Variants in PRDM5 observed in about 807,000 individuals in gnomAD.
PRDM5 encodes PR/SET domain 5.
In PRDM5, 56 loss-of-function variants were observed where a neutral mutation model predicts 81.2. That is an observed-to-expected ratio of 0.69 (90% CI 0.56 to 0.86). The LOEUF (loss-of-function observed/expected upper bound fraction) is 0.86. Ranked by LOEUF, PRDM5 falls within the 40% of genes least tolerant of loss-of-function variation. The pLI, the probability that PRDM5 is intolerant of heterozygous loss-of-function variation, is 0.00. For missense variants in PRDM5, 697 were observed against 770.1 expected (o/e 0.91, Z 1.12); for synonymous variants, 267 against 256.4 (o/e 1.04, Z -0.39).
chr4:120,882,057 C>T (rs989282970), intron 2 of PRDM5, among the ~76,000 whole-genome samples: 1 of 152,244 alleles, frequency 6.6e-6, no homozygotes, highest in Non-Finnish European at 1.5e-5. Flanking sequence ...TCCCAGATTC[C>T]TTGCCTCCTT....
At chr4:120,701,052 G>T (rs908742413) in intron 15 of PRDM5, among the ~76,000 whole-genome samples, 1 of 152,080 alleles carries the variant, frequency 6.6e-6, no homozygotes, top group Non-Finnish European at 1.5e-5. Flanking sequence ...TTGAACCTGG[G>T]AGGCGGAGGT....
chr4:120,904,316 G>C (rs371897675), intron 2 of PRDM5, among the ~76,000 whole-genome samples: 1 of 150,188 alleles, frequency 6.7e-6, no homozygotes, highest in East Asian at 2.0e-4. Flanking sequence ...ACGAGACCAA[G>C]AGGAAAAAGA....
intron 13 of PRDM5, among the ~76,000 whole-genome samples, chr4:120,765,551 T>C (rs1414251482): frequency 1.3e-5 from 2 of 152,142 alleles, no homozygotes; most frequent in African/African-American, 4.8e-5. Context: ...GCCATCTCTG[T>C]TGTTTCAGCA....
At chr4:120,759,994 C>G (rs1269188967) in intron 13 of PRDM5, among the ~76,000 whole-genome samples, 1 of 152,132 alleles carries the variant, frequency 6.6e-6, no homozygotes, top group Admixed American at 6.5e-5. Flanking sequence ...ATATTATAAT[C>G]TAAGTATTCA....
At chr4:120,917,919 C>G (rs960716732) in intron 1 of PRDM5, among the ~76,000 whole-genome samples, 2 of 152,150 alleles carry the variant, frequency 1.3e-5, no homozygotes, top group African/African-American at 4.8e-5. Flanking sequence ...CATTAATCCA[C>G]TTATGACTGA....
At chr4:120,719,244 G>A (rs1056567189) in intron 14 of PRDM5, among the ~76,000 whole-genome samples, 7 of 152,156 alleles carry the variant, frequency 4.6e-5, no homozygotes, top group Non-Finnish European at 7.3e-5. Flanking sequence ...CGTCCCCTGG[G>A]GGGCAAACCA....
intron 2 of PRDM5, among the ~76,000 whole-genome samples, chr4:120,891,268 T>A (rs2148624367): frequency 6.6e-6 from 1 of 152,350 alleles, no homozygotes; most frequent in South Asian, 2.1e-4. Flanking sequence ...TGGAAGATTA[T>A]ATGTCTCCAG....
rs764037024 is a variant in PRDM5, at chr4:120,818,483, A to G, written c.520T>C (p.Ser174Pro). 3.1e-6 allele frequency: 5 copies of G among 1,613,550 alleles called. No individual in the cohort carries two copies. In the East Asian group the frequency reaches 1.1e-4, roughly 36 times the overall value. The change falls in exon 5 of 16, where the codon TCG (serine) becomes CCG (proline). Residue 174 changes from serine (S) to proline (P), a missense_variant. Coordinates refer to ENST00000264808, the MANE Select transcript of PRDM5 (RefSeq NM_018699.4). ...KEDYACPQCE[S>P]SFTSEDILAE... Reference sequence around the variant, plus strand: ...AGAATATCCTCACTGGTAAAACTCGATTCACATTGAGGACAAGCATAGTCC... The same window carrying G: ...AGAATATCCTCACTGGTAAAACTCGGTTCACATTGAGGACAAGCATAGTCC...
intron 2 of PRDM5, among the ~76,000 whole-genome samples, chr4:120,855,691 T>C (rs912207369): frequency 3.9e-5 from 6 of 152,340 alleles, no homozygotes; most frequent in Admixed American, 1.3e-4. Flanking sequence ...ACTGTTTATA[T>C]TGACAAAAAG....
intron 3 of PRDM5, among the ~76,000 whole-genome samples, chr4:120,844,677 G>T (rs934685477): frequency 2.6e-5 from 4 of 152,126 alleles, no homozygotes; most frequent in Admixed American, 2.0e-4. Flanking sequence ...ATACTGAAAT[G>T]AGGTCAATTA....
At chr4:120,913,664 G>C (rs1031590206) in intron 1 of PRDM5, among the ~76,000 whole-genome samples, 23 of 152,144 alleles carry the variant, frequency 1.5e-4, no homozygotes, top group African/African-American at 5.1e-4. Flanking sequence ...ACTACTACTA[G>C]CATCTGTGGG....
intron 3 of PRDM5, among the ~76,000 whole-genome samples, chr4:120,846,128 C>G (rs183156222): frequency 7.9e-5 from 12 of 152,150 alleles, no homozygotes; most frequent in African/African-American, 2.9e-4. Context: ...AGAATCTACT[C>G]CTGGTGAAGA....
intron 3 of PRDM5, chr4:120,837,923 T>A (rs1757546817): frequency 6.6e-6 from 1 of 152,228 alleles, no homozygotes. Flanking sequence ...AGAAAATGAC[T>A]CTGTTTTAAT....
At chr4:120,816,656 A>C (rs1754556313) in intron 6 of PRDM5, 82 bp from the exon 7 acceptor site, 1 of 1,588,466 alleles carries the variant, frequency 6.3e-7, no homozygotes, top group African/African-American at 1.3e-5. Context: ...AGATTTTGTA[A>C]TACATGCTCC....
At chr4:120,745,922 G>GA (rs1393377107) in intron 14 of PRDM5, among the ~76,000 whole-genome samples, 1 of 149,450 alleles carries the variant, frequency 6.7e-6, no homozygotes, top group Non-Finnish European at 1.5e-5. Flanking sequence ...CACAGAATTG[G>GA]AAAAAACTAC....
At position 120,922,630 on chromosome 4, in the gene PRDM5, C is replaced by G. The variant is rs747526892; in HGVS notation, c.-22G>C. On this transcript the variant is annotated 5_prime_UTR_variant, in exon 1 of 16. Transcript: ENST00000264808. ...GCATTTTCCCGGGCGCGGCGGCCGC[C>G]GCCTCTCTCAACACCGGCGCTTAGC... 4.9e-5 allele frequency: 78 copies of G among 1,582,502 alleles called. No individual in the cohort carries two copies. Among genetic ancestry groups the G allele is most frequent in the Non-Finnish European group, 6.4e-5 (75 of 1,165,768 alleles).
At chr4:120,807,794 T>C (rs1301336327) in intron 8 of PRDM5, among the ~76,000 whole-genome samples, 2 of 148,874 alleles carry the variant, frequency 1.3e-5, no homozygotes, top group African/African-American at 5.0e-5. Context: ...AGCTGCAGAC[T>C]TTCACGGTGA....
intron 15 of PRDM5, among the ~76,000 whole-genome samples, chr4:120,698,112 A>G (rs1412593467): frequency 6.6e-6 from 1 of 152,116 alleles, no homozygotes; most frequent in Non-Finnish European, 1.5e-5. Context: ...GAAAGCAAAT[A>G]TTATTTTGGA....
At chr4:120,893,460 C>T (rs181931376) in intron 2 of PRDM5, among the ~76,000 whole-genome samples, 51 of 152,284 alleles carry the variant, frequency 3.3e-4, no homozygotes, top group African/African-American at 1.1e-3. Flanking sequence ...TTGGCCCATC[C>T]CCCAAGACTG....
Sources: gnomAD v4.1 joint callset for allele counts (sites outside exome capture counted in the v4.1 genomes callset) on GRCh38, gnomAD v4.1.1 for gene constraint, MANE v1.5 for transcripts, NCBI Gene and HGNC (gene_info 2026-07-23, HGNC 2026-07-21) for gene names.